TRHDE: variants seen among roughly 807,000 people sequenced by gnomAD.
The protein encoded by TRHDE is thyrotropin releasing hormone degrading enzyme, also known as thyrotropin-releasing hormone-degrading ectoenzyme.
In TRHDE, 72 loss-of-function variants were observed where a neutral mutation model predicts 125.7. That is an observed-to-expected ratio of 0.57 (90% CI 0.47 to 0.70). TRHDE has a LOEUF of 0.70. TRHDE is among the 30% of genes least tolerant of loss of function. TRHDE has a pLI of 0.00. For missense variants in TRHDE, 1,110 were observed against 1,327.1 expected (o/e 0.84, Z 2.54); for synonymous variants, 509 against 509.1 (o/e 1.00, Z 0.00).
chr12:72,638,075 C>T (rs570604007), intron 15 of TRHDE, among the ~76,000 whole-genome samples: 85 of 147,540 alleles, frequency 5.8e-4, no homozygotes, highest in African/African-American at 1.9e-3. Flanking sequence ...CTTTCTGTCT[C>T]GTTGATCTGT....
rs966928454 is a variant in TRHDE, at chr12:72,524,226, C to T, written c.1723-18065C>T. Among the ~76,000 whole-genome samples the T allele has an allele frequency of 3.3e-5, 5 of 152,288 alleles. No individual in the cohort carries two copies. In the East Asian group the frequency reaches 9.6e-4, roughly 29 times the overall value. On this transcript the variant is annotated intron_variant, in intron 6 of 18. Transcript: ENST00000261180. ...GCATTTTATCCTCTCCGTAAACTCT[C>T]CCTGAAGTCAGAATAGCAGAAAGGG...
intron 2 of TRHDE, among the ~76,000 whole-genome samples, chr12:72,122,169 A>G (rs1297648176): frequency 6.6e-6 from 1 of 152,130 alleles, no homozygotes; most frequent in South Asian, 2.1e-4. Flanking sequence ...TTTCAAACCC[A>G]TATTTTCTTC....
intron 2 of TRHDE, among the ~76,000 whole-genome samples, chr12:72,319,783 G>C (rs781672901): frequency 6.6e-6 from 1 of 151,950 alleles, no homozygotes; most frequent in Non-Finnish European, 1.5e-5. Context: ...GGAGAATCTG[G>C]TTCTTTATAT....
chr12:72,359,801 C>G lies in TRHDE; in HGVS notation c.1189-18194C>G, dbSNP rs1354786951. On this transcript the variant is annotated intron_variant, in intron 2 of 18. Coordinates refer to ENST00000261180, the MANE Select transcript of TRHDE (RefSeq NM_013381.3). ...GTGGAAAATTATCCTGATATTCATA[C>G]AAAATAATAAGGACATTTTGAAAAA... is the stretch of plus-strand genomic sequence containing the variant. Among the ~76,000 whole-genome samples the G allele has an allele frequency of 2.6e-5, 4 of 151,416 alleles. No homozygotes were observed. In the East Asian group the frequency reaches 7.8e-4, roughly 29 times the overall value.
chr12:72,542,926 A>T (rs895494267), intron 7 of TRHDE, among the ~76,000 whole-genome samples: 1 of 151,330 alleles, frequency 6.6e-6, no homozygotes, highest in Non-Finnish European at 1.5e-5. Flanking sequence ...CTAAGAATGA[A>T]TTCTTAGAAA....
At position 72,212,803 on chromosome 12, in the gene TRHDE, A is replaced by G. The variant is rs184050269; in HGVS notation, n.279+107051A>G. On this transcript the variant is annotated intron_variant and non_coding_transcript_variant, in intron 2 of 4. Coordinates refer to the TRHDE transcript ENST00000548156. ...TCCTTAAAATGCTAAACATAGAGTT[A>G]TCATAGAATCCAGTAGTCACACTCC... Among the ~76,000 whole-genome samples, 9 of 152,314 alleles carry G rather than the reference A, an allele frequency of 5.9e-5. No individual in the cohort carries two copies. In the East Asian group the frequency reaches 1.7e-3, roughly 29 times the overall value.
intron 6 of TRHDE, among the ~76,000 whole-genome samples, chr12:72,517,245 T>C (rs977050975): frequency 3.3e-5 from 5 of 151,596 alleles, no homozygotes; most frequent in Admixed American, 3.3e-4. Context: ...GTACCTCTGG[T>C]AGAATTTGGC....
intron 3 of TRHDE, among the ~76,000 whole-genome samples, chr12:72,390,570 A>G (rs1872578861): frequency 6.6e-6 from 1 of 152,226 alleles, no homozygotes; most frequent in African/African-American, 2.4e-5. Flanking sequence ...TTAACCATCT[A>G]AAAGTCAATT....
intron 2 of TRHDE, among the ~76,000 whole-genome samples, chr12:72,317,641 T>G (rs761804282): frequency 5.9e-5 from 9 of 152,192 alleles, no homozygotes; most frequent in Non-Finnish European, 1.2e-4. Flanking sequence ...CTCTTAATAT[T>G]GCATTGGAGA....
chr12:72,530,416 CTTTTTTTTTT>C (rs71438816), intron 6 of TRHDE, among the ~76,000 whole-genome samples: 18 of 68,486 alleles, frequency 2.6e-4, no homozygotes, highest in African/African-American at 4.3e-4. Context: ...TTCCTAGAAG[CTTTTTTTTTT>C]TTTTTTTTTT....
At chr12:72,483,512 C>A (rs1161927329) in intron 5 of TRHDE, among the ~76,000 whole-genome samples, 1 of 151,736 alleles carries the variant, frequency 6.6e-6, no homozygotes, top group Non-Finnish European at 1.5e-5. Flanking sequence ...AATAATATTA[C>A]CTGCAGGGTA....
chr12:72,493,917 TCCTGAA>T (rs1447550816), intron 5 of TRHDE, among the ~76,000 whole-genome samples: 1 of 152,028 alleles, frequency 6.6e-6, no homozygotes, highest in Non-Finnish European at 1.5e-5. Context: ...TCACACTACA[TCCTGAA>T]CCTACTTCCA....
At chr12:72,569,204 T>A (rs1870604482) in intron 10 of TRHDE, among the ~76,000 whole-genome samples, 1 of 152,324 alleles carries the variant, frequency 6.6e-6, no homozygotes, top group African/African-American at 2.4e-5. Flanking sequence ...TCTAAATATC[T>A]TCAAATAAGA....
intron 2 of TRHDE, among the ~76,000 whole-genome samples, chr12:72,299,957 T>C (rs1044050694): frequency 6.6e-6 from 1 of 152,094 alleles, no homozygotes; most frequent in Non-Finnish European, 1.5e-5. Flanking sequence ...ATAGACATCG[T>C]GGGTGAAAGG....
chr12:72,294,474 C>T (rs928965497), intron 2 of TRHDE, among the ~76,000 whole-genome samples: 3 of 152,114 alleles, frequency 2.0e-5, no homozygotes, highest in African/African-American at 2.4e-5. Context: ...CTGGTCATCC[C>T]GTTGCTTGTG....
At chr12:72,231,221 C>A (rs1260095111) in intron 2 of TRHDE, among the ~76,000 whole-genome samples, 2 of 151,918 alleles carry the variant, frequency 1.3e-5, no homozygotes, top group Non-Finnish European at 2.9e-5. Context: ...CAAAAGCAAC[C>A]AAAATATTGA....
At chr12:72,262,406 T>TA (rs1455734942) in intron 2 of TRHDE, 1 of 152,026 alleles carries the variant, frequency 6.6e-6, no homozygotes, top group Admixed American at 6.6e-5. Context: ...CTCATAGAAA[T>TA]AAAAAAATTC....
intron 2 of TRHDE, among the ~76,000 whole-genome samples, chr12:72,150,950 T>C (rs1411961529): frequency 6.6e-6 from 1 of 152,126 alleles, no homozygotes; most frequent in Non-Finnish European, 1.5e-5. Flanking sequence ...TATTTCTAGA[T>C]CTAGATCCCT....
intron 2 of TRHDE, among the ~76,000 whole-genome samples, chr12:72,119,329 T>C (rs942144078): frequency 6.6e-6 from 1 of 152,190 alleles, no homozygotes; most frequent in Non-Finnish European, 1.5e-5. Flanking sequence ...TTAATTTCCA[T>C]GTGTTTGTAT....
Sources: allele counts gnomAD v4.1 joint callset (sites outside exome capture counted in the v4.1 genomes callset), GRCh38; gene constraint gnomAD v4.1.1; transcripts MANE v1.5; gene names NCBI Gene and HGNC (gene_info 2026-07-23, HGNC 2026-07-21).